Variants in CLYBL observed in about 807,000 individuals in gnomAD.
The protein encoded by CLYBL is citramalyl-CoA lyase, mitochondrial.
Under a neutral mutation model 38.9 loss-of-function variants are expected in CLYBL, and 31 were observed. The ratio of observed to expected loss-of-function variants is 0.80; its 90% CI spans 0.60 to 1.08. CLYBL has a LOEUF of 1.08. CLYBL is among the 50% of genes least tolerant of loss of function. CLYBL has a pLI of 0.00. For synonymous variants in CLYBL, 171 were observed against 158.6 expected (o/e 1.08, Z -0.59); for missense variants, 434 against 411.6 (o/e 1.05, Z -0.47).
rs947090936 is a variant in CLYBL, at chr13:99,682,739, A to AT, written c.62+75992dup. Reference sequence around the variant, plus strand: ...TAAATTAACCTTAGCTTACTATAACATTTTTTTTTTCTTTTGAAACGGAGT... The same window carrying AT: ...TAAATTAACCTTAGCTTACTATAACATTTTTTTTTTTCTTTTGAAACGGAGT... On this transcript the variant is annotated intron_variant, in intron 1 of 8. Coordinates refer to ENST00000339105, the MANE Select transcript of CLYBL (RefSeq NM_206808.5). 5.9e-4 allele frequency among the ~76,000 whole-genome samples: 88 copies of AT among 149,518 alleles called. 1 individual carries two copies. The highest frequency in any genetic ancestry group is 1.3e-3 in the African/African-American group (55 of 40,770).
At position 99,686,141 on chromosome 13, in the gene CLYBL, T is replaced by A. The variant is rs775924688; in HGVS notation, c.62+79384T>A. Among the ~76,000 whole-genome samples the A allele has an allele frequency of 5.9e-5, 9 of 152,218 alleles. No homozygotes were observed. In the South Asian group the frequency reaches 1.9e-3, roughly 32 times the overall value. ...AGACAGTGTGGCAGTTCCCGGGAAT[T>A]TGTGTGGAGCTGTTTCAGGGACACT... On this transcript the variant is annotated intron_variant, in intron 1 of 8. Transcript: ENST00000339105.
chr13:99,876,091 T>TTTA (rs59436278), intron 7 of CLYBL, among the ~76,000 whole-genome samples: 3 of 148,956 alleles, frequency 2.0e-5, no homozygotes, highest in African/African-American at 7.4e-5. Flanking sequence ...TTTTTTTTTT[T>TTTA]AGTGGCAAAT....
At chr13:99,738,956 A>G (rs1376252782) in intron 1 of CLYBL, among the ~76,000 whole-genome samples, 1 of 152,218 alleles carries the variant, frequency 6.6e-6, no homozygotes, top group African/African-American at 2.4e-5. Context: ...GGGAATACAC[A>G]TCAGTGGCTC....
intron 1 of CLYBL, among the ~76,000 whole-genome samples, chr13:99,686,944 C>T (rs1354199061): frequency 1.3e-5 from 2 of 152,168 alleles, no homozygotes; most frequent in Non-Finnish European, 2.9e-5. Flanking sequence ...TTAGTAACCT[C>T]GATAATGAGA....
intron 2 of CLYBL, among the ~76,000 whole-genome samples, chr13:99,824,899 A>G (rs1398073170): frequency 6.6e-6 from 1 of 152,164 alleles, no homozygotes; most frequent in Non-Finnish European, 1.5e-5. Flanking sequence ...TTAGGATGTC[A>G]GTTTTTCACT....
Position 99,869,838 on chromosome 13 carries a change from G to A in CLYBL, c.803-1100G>A, listed in dbSNP as rs2051838713. Among the ~76,000 whole-genome samples the A allele has an allele frequency of 6.6e-6, 1 of 152,056 alleles. No homozygotes were observed. On this transcript the variant is annotated intron_variant, in intron 6 of 8. Coordinates refer to ENST00000339105, the MANE Select transcript of CLYBL (RefSeq NM_206808.5). The surrounding 1 kb of genome is among the most constrained non-coding windows in gnomAD (Gnocchi z 4.3). ...TATACCAACAAATATATTCAGCAGA[G>A]TAAATGATCATTAAGTGTACATTCA...
At chr13:99,900,062 G>A (rs1365792481), downstream of CLYBL, among the ~76,000 whole-genome samples, 1 of 152,078 alleles carries the variant, frequency 6.6e-6, no homozygotes, top group Admixed American at 6.6e-5. Flanking sequence ...AAGTAGCTGG[G>A]ATTACAGGGG....
At chr13:99,831,683 G>A (rs897578058) in intron 2 of CLYBL, among the ~76,000 whole-genome samples, 2 of 150,012 alleles carry the variant, frequency 1.3e-5, no homozygotes, top group Admixed American at 1.3e-4. Flanking sequence ...ATAGCTGTCT[G>A]TAAATACCCG....
chr13:99,731,976 C>A (rs997298956), intron 1 of CLYBL, among the ~76,000 whole-genome samples: 2 of 152,070 alleles, frequency 1.3e-5, no homozygotes, highest in Admixed American at 1.3e-4. Flanking sequence ...TACAGGCATC[C>A]CTGCACGAAC....
chr13:99,637,422 C>T (rs2047034227), intron 1 of CLYBL, among the ~76,000 whole-genome samples: 1 of 152,140 alleles, frequency 6.6e-6, no homozygotes. Flanking sequence ...CCTGTCTTGC[C>T]AGTGAAATGT....
chr13:99,708,071 C>A (rs922548866), intron 1 of CLYBL, among the ~76,000 whole-genome samples: 2 of 152,142 alleles, frequency 1.3e-5, no homozygotes, highest in African/African-American at 4.8e-5. Flanking sequence ...GCAACTTCCA[C>A]CCCCTGGGTT....
At chr13:99,700,384 C>T (rs899189232) in intron 1 of CLYBL, among the ~76,000 whole-genome samples, 5 of 152,248 alleles carry the variant, frequency 3.3e-5, no homozygotes, top group East Asian at 1.9e-4. Context: ...GCGGAGGTTG[C>T]GGTGAGCGGA....
Position 99,724,229 on chromosome 13 carries a change from C to T in CLYBL, c.63-48595C>T, listed in dbSNP as rs192402719. ...CTGAATGTCTGTTGCAGAATGCACA[C>T]ACTAATATGCCAGGTTATTTGGTTT... On this transcript the variant is annotated intron_variant, in intron 1 of 8. Coordinates refer to ENST00000339105, the MANE Select transcript of CLYBL (RefSeq NM_206808.5). 3.1e-3 allele frequency among the ~76,000 whole-genome samples: 476 copies of T among 152,276 alleles called. 2 individuals carry two copies. Among genetic ancestry groups the T allele is most frequent in the Admixed American group, 4.3e-3 (66 of 15,288 alleles).
At chr13:99,857,314 C>CA (rs562257980) in intron 2 of CLYBL, among the ~76,000 whole-genome samples, 53 of 150,990 alleles carry the variant, frequency 3.5e-4, no homozygotes, top group Admixed American at 1.8e-3. Flanking sequence ...GACTGTGTCT[C>CA]AAAAAAAAGA....
intron 1 of CLYBL, among the ~76,000 whole-genome samples, chr13:99,691,632 A>G (rs775677434): frequency 1.3e-5 from 2 of 152,172 alleles, no homozygotes; most frequent in Non-Finnish European, 2.9e-5. Flanking sequence ...GCACTAGGGT[A>G]CCAGAGTATT....
rs1237557756 is a variant in CLYBL at position 99,628,515 on chromosome 13, G to A, written c.62+21758G>A. ...TCCTTTCCCTGGTGGCTCCTCACCT[G>A]TGAAGTTGCACCAGGGTGGTAATAA... On this transcript the variant is annotated intron_variant, in intron 1 of 8. Transcript: ENST00000339105. 3.9e-5 allele frequency among the ~76,000 whole-genome samples: 6 copies of A among 152,232 alleles called. No homozygotes were observed. In the East Asian group the frequency reaches 1.2e-3, roughly 29 times the overall value.
intron 2 of CLYBL, among the ~76,000 whole-genome samples, chr13:99,853,525 C>G (rs2051382042): frequency 6.6e-6 from 1 of 151,936 alleles, no homozygotes; most frequent in Non-Finnish European, 1.5e-5. Flanking sequence ...TTCTTTTTTT[C>G]AAAAACAGGC....
intron 1 of CLYBL, among the ~76,000 whole-genome samples, chr13:99,651,106 C>T (rs189126994): frequency 2.0e-5 from 3 of 152,314 alleles, no homozygotes; most frequent in East Asian, 3.9e-4. Flanking sequence ...CCCACACTGC[C>T]GTGGGCCAGC....
At chr13:99,614,746 C>G (rs1165078798) in intron 1 of CLYBL, among the ~76,000 whole-genome samples, 4 of 151,656 alleles carry the variant, frequency 2.6e-5, no homozygotes, top group Non-Finnish European at 5.9e-5. Flanking sequence ...TACCCACATA[C>G]TTTCTGTGGG....
Sources: gnomAD v4.1 joint callset for allele counts (sites outside exome capture counted in the v4.1 genomes callset) on GRCh38, gnomAD v4.1.1 for gene constraint, Gnocchi (gnomAD v3.1) non-coding constraint, MANE v1.5 for transcripts, NCBI Gene and HGNC (gene_info 2026-07-23, HGNC 2026-07-21) for gene names.